The following FSTL5 variants were observed in gnomAD, a reference collection of about 807,000 sequenced individuals.
FSTL5 encodes the protein follistatin-related protein 5.
FSTL5 carries 62 observed loss-of-function variants against 89.1 expected under a neutral mutation model. The observed-to-expected ratio is 0.70, with a 90% confidence interval of 0.57 to 0.86. The LOEUF (loss-of-function observed/expected upper bound fraction) is 0.86. Among genes scored for constraint, FSTL5 ranks in the 40% least tolerant of loss-of-function variants. The pLI is 0.00. For synonymous variants in FSTL5, 383 were observed against 346.2 expected (o/e 1.11, Z -1.18); for missense variants, 1,057 against 1,001.6 (o/e 1.06, Z -0.75).
intron 4 of FSTL5, among the ~76,000 whole-genome samples, chr4:161,831,554 C>T (rs17536370): frequency 0.068 from 10,377 of 151,772 alleles, 382 homozygotes; most frequent in African/African-American, 0.089. Flanking sequence ...AAACACATCA[C>T]GCTCATCAAT....
intron 3 of FSTL5, among the ~76,000 whole-genome samples, chr4:161,973,703 A>G (rs1312521004): frequency 1.3e-5 from 2 of 152,216 alleles, no homozygotes; most frequent in African/African-American, 4.8e-5. Flanking sequence ...CTGAAGAGAC[A>G]GTCAATTTTG....
chr4:161,497,413 T>G (rs1730122083), intron 12 of FSTL5, among the ~76,000 whole-genome samples: 1 of 152,068 alleles, frequency 6.6e-6, no homozygotes, highest in Non-Finnish European at 1.5e-5. Context: ...TTAAATATTA[T>G]TCTTAGTTCT....
At chr4:161,763,768 A>C (rs1431452849) in intron 5 of FSTL5, among the ~76,000 whole-genome samples, 1 of 152,192 alleles carries the variant, frequency 6.6e-6, no homozygotes, top group Non-Finnish European at 1.5e-5. Flanking sequence ...TAATCAAAAG[A>C]AAGCCCATTT....
intron 8 of FSTL5, among the ~76,000 whole-genome samples, chr4:161,543,509 C>T (rs748424562): frequency 1.3e-5 from 2 of 151,586 alleles, no homozygotes; most frequent in Non-Finnish European, 1.5e-5. Flanking sequence ...CAGGAGACCC[C>T]CAAGTGGTGA....
chr4:161,748,101 A>C (rs1188969838), intron 6 of FSTL5, among the ~76,000 whole-genome samples: 1 of 152,112 alleles, frequency 6.6e-6, no homozygotes, highest in African/African-American at 2.4e-5. Context: ...ATGAGTACTA[A>C]TGAGTGGTAT....
intron 15 of FSTL5, among the ~76,000 whole-genome samples, chr4:161,409,754 AC>A (rs1731523950): frequency 6.6e-6 from 1 of 152,140 alleles, no homozygotes; most frequent in Non-Finnish European, 1.5e-5. Flanking sequence ...AAAAGAACAA[AC>A]CTGCTACCAC....
At chr4:162,057,960 T>C in intron 2 of FSTL5, among the ~76,000 whole-genome samples, 1 of 151,866 alleles carries the variant, frequency 6.6e-6, no homozygotes, top group African/African-American at 2.4e-5. Context: ...ATAAAAATAA[T>C]AATAATAATA....
chr4:162,158,315 T>G (rs34032388), intron 1 of FSTL5, among the ~76,000 whole-genome samples: 22,089 of 152,038 alleles, frequency 0.15, 1,605 homozygotes, highest in Middle Eastern at 0.26. Context: ...CTGCTAAAAT[T>G]TTGAATATTC....
chr4:161,994,749 T>C (rs1272771031), intron 3 of FSTL5, among the ~76,000 whole-genome samples: 1 of 152,214 alleles, frequency 6.6e-6, no homozygotes, highest in Non-Finnish European at 1.5e-5. Context: ...CTTCCAAATG[T>C]GTTTAAGTTC....
At chr4:162,148,534 C>G (rs894346606) in intron 1 of FSTL5, among the ~76,000 whole-genome samples, 1 of 151,706 alleles carries the variant, frequency 6.6e-6, no homozygotes. Context: ...CTAAAAACAC[C>G]TATTAATTTA....
intron 1 of FSTL5, among the ~76,000 whole-genome samples, chr4:162,134,440 T>C (rs528708440): frequency 1.4e-4 from 21 of 152,214 alleles, no homozygotes; most frequent in Non-Finnish European, 2.6e-4. Context: ...TTACACACTA[T>C]TTTCTGTTAA....
At chr4:161,461,391 G>A (rs2126414705) in intron 13 of FSTL5, among the ~76,000 whole-genome samples, 1 of 147,064 alleles carries the variant, frequency 6.8e-6, no homozygotes, top group African/African-American at 2.5e-5. Context: ...GAACCTGGGA[G>A]GCGGTCTTGC....
chr4:161,992,881 T>A lies in FSTL5; in HGVS notation c.160+40744A>T, dbSNP rs1307332455. Among the ~76,000 whole-genome samples the A allele has an allele frequency of 7.9e-3, 67 of 8,528 alleles. 3 individuals are homozygous for A. Among genetic ancestry groups the A allele is most frequent in the African/African-American group, 0.012 (41 of 3,392 alleles). The allele number at this position is 8,528 out of a possible 152,430, so 5.6% of individuals were successfully genotyped here. A position where few individuals can be genotyped will look rare whatever the true frequency, so the allele number is the denominator to read the frequency against. On this transcript the variant is annotated intron_variant, in intron 3 of 15. Coordinates refer to ENST00000306100, the MANE Select transcript of FSTL5 (RefSeq NM_020116.5). ...AAAAAAATATATATATATATATATA[T>A]ATATATATATATATATGTGTGTGTA...
At chr4:161,507,969 A>G (rs1008400281) in intron 11 of FSTL5, among the ~76,000 whole-genome samples, 3 of 151,926 alleles carry the variant, frequency 2.0e-5, no homozygotes, top group Non-Finnish European at 4.4e-5. Flanking sequence ...TTTCTTGGCT[A>G]TGGTAAAGAG....
At chr4:161,949,490 T>C (rs554839216) in intron 3 of FSTL5, among the ~76,000 whole-genome samples, 2 of 152,076 alleles carry the variant, frequency 1.3e-5, no homozygotes, top group Non-Finnish European at 2.9e-5. Context: ...TCTGAACTTC[T>C]TGATTCAATG....
rs564674425 is a variant in FSTL5, at chr4:161,450,323, C to T, written c.1841+4681G>A. On this transcript the variant is annotated intron_variant, in intron 15 of 15. Transcript: ENST00000306100. ...TGCACAGCAAGCTGCAATGTTCACA[C>T]ATAAGAAACTGATATTTAAATTTTT... is the stretch of plus-strand genomic sequence containing the variant. 9.2e-5 allele frequency among the ~76,000 whole-genome samples: 14 copies of T among 152,290 alleles called. No homozygotes were observed. The South Asian group carries it at 2.9e-3, about 32-fold the overall frequency.
intron 14 of FSTL5, among the ~76,000 whole-genome samples, chr4:161,456,135 A>G (rs868515850): frequency 2.0e-5 from 3 of 152,104 alleles, no homozygotes; most frequent in Non-Finnish European, 4.4e-5. Flanking sequence ...GAAGGCTTCT[A>G]TTTCAAGTTA....
intron 4 of FSTL5, among the ~76,000 whole-genome samples, chr4:161,817,280 G>A (rs1449349000): frequency 6.6e-6 from 1 of 152,152 alleles, no homozygotes; most frequent in African/African-American, 2.4e-5. Context: ...TAAAGGCCTA[G>A]ATCATAACAA....
intron 1 of FSTL5, among the ~76,000 whole-genome samples, chr4:162,119,075 A>T (rs940794483): frequency 6.6e-6 from 1 of 152,172 alleles, no homozygotes; most frequent in African/African-American, 2.4e-5. Flanking sequence ...TATTAAAATT[A>T]GCCAGAAATG....
Sources: allele counts gnomAD v4.1 joint callset (sites outside exome capture counted in the v4.1 genomes callset), GRCh38; gene constraint gnomAD v4.1.1; transcripts MANE v1.5; gene names NCBI Gene and HGNC (gene_info 2026-07-23, HGNC 2026-07-21).